Variants in ASL observed in about 807,000 individuals in gnomAD.
ASL encodes the protein argininosuccinate lyase, also known as argininosuccinase.
ASL carries 51 observed loss-of-function variants against 69.1 expected under a neutral mutation model. The observed-to-expected ratio is 0.74, with a 90% CI of 0.59 to 0.93. The LOEUF is 0.93. ASL is among the 40% of genes least tolerant of loss of function. ASL has a pLI of 0.00. For synonymous variants in ASL, 241 were observed against 247.6 expected (o/e 0.97, Z 0.25); for missense variants, 540 against 623.9 (o/e 0.87, Z 1.43).
Position 66,092,881 on chromosome 7 carries a change from T to C in ASL, c.1364T>C (p.Val455Ala). The part of the protein sequence containing the change: ...RSSVDWQIRQ[V>A]RALLQAQQA ...AGCGTCGACTGGCAGATCCGCCAGG[T>C]GCGGGCGCTACTGCAGGCACAGCAG... is the stretch of plus-strand genomic sequence containing the variant. Residue 455 changes from valine to alanine, a missense_variant, in exon 17 of 17, where the codon GTG (valine) becomes GCG (alanine). Physicochemically the swap from Val to Ala is moderately conservative, Grantham distance 64 (BLOSUM62 0). Coordinates refer to ENST00000304874, the MANE Select transcript of ASL (RefSeq NM_000048.4). The C allele has an allele frequency of 6.2e-7, 1 of 1,611,096 alleles. No homozygotes were observed. The highest frequency in any genetic ancestry group is 1.1e-5 in the South Asian group (1 of 91,080).
Position 66,078,803 on chromosome 7 carries a change from G to A in ASL, c.12+2710G>A, listed in dbSNP as rs536273287. 2.7e-3 allele frequency among the ~76,000 whole-genome samples: 403 copies of A among 151,882 alleles called. 1 individual carries two copies. The highest frequency in any genetic ancestry group is 4.3e-3 in the Non-Finnish European group (291 of 67,938). On this transcript the variant is annotated intron_variant, in intron 2 of 16. Transcript: ENST00000304874. ...CTTCCTGCCACCGCGCCTGGCTAAT[G>A]TTTATATTTTTAGTACAGATGAGGT...
intron 2 of ASL, among the ~76,000 whole-genome samples, chr7:66,081,195 G>A (rs1022338126): frequency 2.0e-5 from 3 of 152,196 alleles, no homozygotes; most frequent in Non-Finnish European, 4.4e-5. Flanking sequence ...GGTCAGTGGT[G>A]GGAAAGGTTC....
At chr7:66,079,729 C>T (rs1786447313) in intron 2 of ASL, among the ~76,000 whole-genome samples, 1 of 152,134 alleles carries the variant, frequency 6.6e-6, no homozygotes, top group Non-Finnish European at 1.5e-5. Flanking sequence ...AAGCGATTCT[C>T]CTGCCTCAGC....
rs1206710088 is a variant in ASL, at chr7:66,087,781, G to C, written c.708G>C (p.Arg236=). The change falls in exon 10 of 17, where the codon CGG becomes CGC. Residue 236 remains arginine (R), a synonymous_variant. Coordinates refer to ENST00000304874, the MANE Select transcript of ASL (RefSeq NM_000048.4). The part of the protein sequence containing the change: ...TLNSMDATSE[R]DFVAEFLFWA... ...ACAGCATGGATGCCACTAGTGAGCG[G>C]GACTTTGTGGGTGAGTCCTGGGGAG... The C allele has an allele frequency of 6.2e-7, 1 of 1,614,018 alleles. No homozygotes were observed. The highest frequency in any genetic ancestry group is 8.5e-7 in the Non-Finnish European group (1 of 1,180,032).
Position 66,082,893 on chromosome 7 carries a change from C to T in ASL, c.305C>T (p.Ala102Val). The T allele has an allele frequency of 6.2e-7, 1 of 1,613,796 alleles. No homozygotes were observed. Residue 102 changes from alanine to valine, a missense_variant, in exon 5 of 17, where the codon GCA (alanine) becomes GTA (valine). Coordinates refer to ENST00000304874, the MANE Select transcript of ASL (RefSeq NM_000048.4). ...CTTCACCTCCAGGAGCTCATTGGTG[C>T]AACGGCAGGGAAGCTGCACACGGGA... Reference protein sequence around the residue: ...NERRLKELIGATAGKLHTGRS... With the variant: ...NERRLKELIGVTAGKLHTGRS...
At chr7:66,092,226 C>G in intron 15 of ASL, 140 bp downstream of exon 15, 1 of 1,005,740 alleles carries the variant, frequency 9.9e-7, no homozygotes, top group Non-Finnish European at 1.5e-6. Flanking sequence ...CCGAGGTGGG[C>G]GGGTCACTTG....
intron 2 of ASL, among the ~76,000 whole-genome samples, chr7:66,080,364 T>C (rs1409319814): frequency 4.3e-4 from 39 of 89,890 alleles, no homozygotes; most frequent in Admixed American, 8.0e-4. Flanking sequence ...CCAGCCTGGG[T>C]GACAAAGAGA....
chr7:66,075,886 C>T, intron 1 of ASL, 30 bp downstream of exon 1: 5 of 625,300 alleles, frequency 8.0e-6, no homozygotes, highest in South Asian at 6.1e-5. Flanking sequence ...ATGGGCGGGA[C>T]GGGCGTGGAG....
At chr7:66,086,258 G>A (rs1178448347) in intron 6 of ASL, among the ~76,000 whole-genome samples, 2 of 152,132 alleles carry the variant, frequency 1.3e-5, no homozygotes, top group East Asian at 3.9e-4. Context: ...CCACGGCCAA[G>A]TCATACCCAA....
chr7:66,080,424 T>C (rs1786471082), intron 2 of ASL, among the ~76,000 whole-genome samples: 1 of 151,092 alleles, frequency 6.6e-6, no homozygotes, highest in African/African-American at 2.4e-5. Flanking sequence ...AAAAGATTTT[T>C]TTAATGAACA....
intron 4 of ASL, 125 bp from the exon 5 acceptor site, chr7:66,082,755 T>G: frequency 8.4e-7 from 1 of 1,196,650 alleles, no homozygotes; most frequent in South Asian, 1.3e-5. Flanking sequence ...GGCGAGAGAT[T>G]TGGGGAGGAC....
chr7:66,092,022 T>C lies in ASL; in HGVS notation c.1079T>C (p.Met360Thr), dbSNP rs875989948. Residue 360 changes from methionine to threonine, a missense_variant, in exon 15 of 17, where the codon ATG becomes ACG. Coordinates refer to ENST00000304874, the MANE Select transcript of ASL (RefSeq NM_000048.4). ...ISTLQIHQEN[M>T]GQALSPDMLA... ...TGCCCCCAGATTCACCAAGAGAACA[T>C]GGGACAGGCTCTCAGCCCCGACATG... 8 of 1,613,458 alleles carry C rather than the reference T, an allele frequency of 5.0e-6. No homozygotes were observed. The highest frequency in any genetic ancestry group is 1.3e-5 in the African/African-American group (1 of 74,966).
chr7:66,089,187 A>G lies in ASL; in HGVS notation c.918+12A>G, dbSNP rs2115742216. ...GTGTGTTTGGGCGGGTGAGCAAGGC[A>G]GGGGGAGGGGCGGGGCCTCTGGGCT... On this transcript the variant is annotated intron_variant, in intron 12 of 16. Coordinates refer to ENST00000304874, the MANE Select transcript of ASL (RefSeq NM_000048.4). The G allele has an allele frequency of 2.7e-6, 3 of 1,128,102 alleles. No homozygotes were observed. The highest frequency in any genetic ancestry group is 2.6e-6 in the Non-Finnish European group (2 of 778,528). The allele number at this position is 1,128,102 out of a possible 1,614,324, so 69.9% of individuals were successfully genotyped here.
intron 6 of ASL, among the ~76,000 whole-genome samples, chr7:66,084,209 G>T (rs1479907604): frequency 6.6e-6 from 1 of 151,762 alleles, no homozygotes; most frequent in East Asian, 1.9e-4. Context: ...ACCTAGTCTG[G>T]AGTGTAGTGG....
At chr7:66,086,960 G>C in intron 8 of ASL, 139 bp downstream of exon 8, 1 of 1,049,784 alleles carries the variant, frequency 9.5e-7, no homozygotes, top group Non-Finnish European at 1.4e-6. Context: ...TGGAGCCCCA[G>C]CTCTCGCTAA....
chr7:66,086,175 C>G lies in ASL; in HGVS notation c.447-410C>G, dbSNP rs1232687406. 2.0e-5 allele frequency among the ~76,000 whole-genome samples: 3 copies of G among 152,208 alleles called. No individual in the cohort carries two copies. The South Asian group carries it at 6.2e-4, about 31-fold the overall frequency. On this transcript the variant is annotated intron_variant, in intron 6 of 16. Coordinates refer to ENST00000304874, the MANE Select transcript of ASL (RefSeq NM_000048.4). ...CTGCCCTGCCTACTTGAATGAGGTG[C>G]AGGGCATCTCACCTGCTCAGAGCAG...
intron 10 of ASL, 83 bp downstream of exon 10, chr7:66,087,874 T>G: frequency 6.5e-7 from 1 of 1,540,372 alleles, no homozygotes; most frequent in Non-Finnish European, 9.0e-7. Context: ...CTCCCACACC[T>G]CCACGGACAG....
At chr7:66,092,160 G>A in intron 15 of ASL, 74 bp downstream of exon 15, 1 of 1,548,932 alleles carries the variant, frequency 6.5e-7, no homozygotes, top group South Asian at 1.1e-5. Context: ...GCTCAGGAAT[G>A]GGTGCAAGCG....
chr7:66,085,533 C>T (rs1240688571), intron 6 of ASL, among the ~76,000 whole-genome samples: 1 of 152,048 alleles, frequency 6.6e-6, no homozygotes, highest in African/African-American at 2.4e-5. Flanking sequence ...AATCCCAGCC[C>T]TTTGGGAGGC....
Sources: allele counts gnomAD v4.1 joint callset (sites outside exome capture counted in the v4.1 genomes callset), GRCh38; gene constraint gnomAD v4.1.1; transcripts MANE v1.5; gene names NCBI Gene and HGNC (gene_info 2026-07-23, HGNC 2026-07-21).